The following ASXL1 variants were observed in gnomAD, a reference collection of about 807,000 sequenced individuals.
ASXL1 encodes ASXL transcriptional regulator 1.
A neutral mutation model predicts 89.1 loss-of-function variants in ASXL1; 65 were observed. That is an observed-to-expected ratio of 0.73 (90% confidence interval 0.60 to 0.90). ASXL1 has a LOEUF of 0.90. Among genes scored for constraint, ASXL1 ranks in the 40% least tolerant of loss-of-function variants. The pLI, the probability that ASXL1 is intolerant of heterozygous loss-of-function variation, is 0.00. For missense variants in ASXL1, 1,786 were observed against 1,942.9 expected (o/e 0.92, Z 1.52); for synonymous variants, 739 against 746.9 (o/e 0.99, Z 0.17).
At chr20:32,401,644 C>T (rs886139292) in intron 4 of ASXL1, among the ~76,000 whole-genome samples, 1 of 151,382 alleles carries the variant, frequency 6.6e-6, no homozygotes, top group Admixed American at 6.6e-5. Context: ...CAATCTGCAC[C>T]TCACAGGTTC....
chr20:32,385,647 A>G (rs756893840), intron 4 of ASXL1, among the ~76,000 whole-genome samples: 29 of 151,076 alleles, frequency 1.9e-4, no homozygotes, highest in Non-Finnish European at 3.1e-4. Flanking sequence ...CTTCATTTCC[A>G]TTGCCACCAC....
chr20:32,418,231 G>A lies in ASXL1; in HGVS notation c.253-9897G>A, dbSNP rs146279182. On this transcript the variant is annotated intron_variant, in intron 4 of 12. Coordinates refer to ENST00000375687, the MANE Select transcript of ASXL1 (RefSeq NM_015338.6). Reference sequence around the variant, plus strand: ...ATAAATAAATAAATAAATTAGCCTGGAGTGGTGGTGCATGCCTCTAGTTCC... The same window carrying A: ...ATAAATAAATAAATAAATTAGCCTGAAGTGGTGGTGCATGCCTCTAGTTCC... Among the ~76,000 whole-genome samples, 1,403 of 151,948 alleles carry A rather than the reference G, an allele frequency of 9.2e-3. 60 individuals carry two copies. Among genetic ancestry groups the A allele is most frequent in the Admixed American group, 0.073 (1,113 of 15,232 alleles).
intron 4 of ASXL1, among the ~76,000 whole-genome samples, chr20:32,411,003 G>A (rs2049031980): frequency 8.0e-6 from 1 of 124,288 alleles, no homozygotes; most frequent in African/African-American, 3.1e-5. Flanking sequence ...CTGCACTCCA[G>A]CCTGGGCAAC....
At position 32,381,513 on chromosome 20, in the gene ASXL1, CTTTTTTTTTTT is replaced by C. The variant is rs59213941; in HGVS notation, c.252+12399_252+12409del. 3.8e-5 allele frequency among the ~76,000 whole-genome samples: 5 copies of C among 131,410 alleles called. No individual in the cohort carries two copies. The East Asian group carries it at 1.1e-3, about 28-fold the overall frequency. The allele number at this position is 131,410 out of a possible 152,430, so 86.2% of individuals were successfully genotyped here. ...CACTGGTCCAGCCTCTTACCAAAATCTTTTTTTTTTTTTTTTTTTGAGACGGAGTCTCGCTG... is the reference window on the plus strand; with the variant it reads ...CACTGGTCCAGCCTCTTACCAAAATCTTTTTTTTGAGACGGAGTCTCGCTG... On this transcript the variant is annotated intron_variant, in intron 4 of 12. Coordinates refer to ENST00000375687, the MANE Select transcript of ASXL1 (RefSeq NM_015338.6).
Position 32,434,993 on chromosome 20 carries a change from G to C in ASXL1, c.2281G>C (p.Ala761Pro). 1 of 1,614,152 alleles carries C rather than the reference G, an allele frequency of 6.2e-7. No individual in the cohort carries two copies. The highest frequency in any genetic ancestry group is 8.5e-7 in the Non-Finnish European group (1 of 1,180,034). ...TCCCACTGGGGACCAGCCATGCCAG[G>C]CCTTGCCCCTACTGTCCTCCCAAAC... ...VAPTGDQPCQALPLLSSQTSV... is the reference protein window; with the variant it reads ...VAPTGDQPCQPLPLLSSQTSV... Residue 761 changes from alanine to proline, a missense_variant, in exon 13 of 13, where the codon GCC becomes CCC. Around this residue, in one of 3 missense-constraint regions of ASXL1, gnomAD observed 1,418 missense variants for 1,427.8 expected, o/e 0.99. Transcript: ENST00000375687.
rs1475256668 is a variant in ASXL1 at position 32,358,343 on chromosome 20, A to G, written c.-433A>G. On this transcript the variant is annotated 5_prime_UTR_variant, in exon 1 of 13. Coordinates refer to ENST00000375687, the MANE Select transcript of ASXL1 (RefSeq NM_015338.6). ...CTCCTCACTCTTCACACACACTCAC[A>G]CACACCCACGGCAGACACGCACGCA... is the stretch of plus-strand genomic sequence containing the variant. 8 of 230,986 alleles carry G rather than the reference A, an allele frequency of 3.5e-5. No individual in the cohort carries two copies. Among genetic ancestry groups the G allele is most frequent in the Admixed American group, 1.1e-4 (2 of 17,466 alleles). 14.3% of individuals were successfully genotyped at this position (230,986 alleles called of 1,614,324 possible).
At position 32,437,355 on chromosome 20, in the gene ASXL1, G is replaced by A. The variant is rs1277390753; in HGVS notation, c.*17G>A. The A allele has an allele frequency of 2.5e-6, 4 of 1,611,036 alleles. No homozygotes were observed. The highest frequency in any genetic ancestry group is 2.2e-5 in the South Asian group (2 of 90,952). ...GTGAGATAATAAATTATGGCCATGG[G>A]AAACATTGTATATTTAGTGTGTGTA... is the stretch of plus-strand genomic sequence containing the variant. On this transcript the variant is annotated 3_prime_UTR_variant, in exon 13 of 13. Transcript: ENST00000375687.
At chr20:32,393,713 G>A (rs904328482) in intron 4 of ASXL1, among the ~76,000 whole-genome samples, 12 of 152,000 alleles carry the variant, frequency 7.9e-5, no homozygotes, top group Admixed American at 3.3e-4. Context: ...TTTGTGATCC[G>A]CCCACCTCAG....
chr20:32,377,264 G>T (rs547538445), intron 4 of ASXL1, among the ~76,000 whole-genome samples: 26 of 148,624 alleles, frequency 1.7e-4, no homozygotes, highest in Non-Finnish European at 3.6e-4. Context: ...GGGATTACAG[G>T]CGTGAGCCAC....
chr20:32,397,085 C>T (rs2048776806), intron 4 of ASXL1, among the ~76,000 whole-genome samples: 1 of 144,828 alleles, frequency 6.9e-6, no homozygotes, highest in Admixed American at 7.0e-5. Flanking sequence ...TGCTCTGTTG[C>T]TCAGGCTGGA....
chr20:32,429,801 G>A lies in ASXL1; in HGVS notation c.566-100G>A. On this transcript the variant is annotated intron_variant, in intron 7 of 12. Transcript: ENST00000375687. The surrounding 1 kb of genome is among the most constrained non-coding windows in gnomAD (Gnocchi z 4.9). ...TGGGAGATGGAAGCATCCCAGTATT[G>A]CTGGCAGCATCTCAGGGAGAGCTGG... 1 of 1,478,708 alleles carries A rather than the reference G, an allele frequency of 6.8e-7. No individual in the cohort carries two copies. The highest frequency in any genetic ancestry group is 9.2e-7 in the Non-Finnish European group (1 of 1,090,482). 91.6% of individuals were successfully genotyped at this position (1,478,708 alleles called of 1,614,324 possible).
chr20:32,410,901 C>T (rs1040829869), intron 4 of ASXL1, among the ~76,000 whole-genome samples: 2 of 151,828 alleles, frequency 1.3e-5, no homozygotes, highest in Admixed American at 6.6e-5. Context: ...CATGATGGCG[C>T]ATGCCTGTAA....
At chr20:32,414,298 A>G (rs1600548139) in intron 4 of ASXL1, among the ~76,000 whole-genome samples, 1 of 145,086 alleles carries the variant, frequency 6.9e-6, no homozygotes, top group Non-Finnish European at 1.5e-5. Context: ...CTCTTAATGG[A>G]GCTTCTTTTT....
chr20:32,368,552 G>T (rs1404410663), intron 3 of ASXL1, among the ~76,000 whole-genome samples: 1 of 152,076 alleles, frequency 6.6e-6, no homozygotes, highest in Non-Finnish European at 1.5e-5. Flanking sequence ...AAAAAGTTCT[G>T]CTTGTTTTAT....
At chr20:32,430,948 A>G (rs1294841333) in intron 8 of ASXL1, 2 of 460,378 alleles carry the variant, frequency 4.3e-6, no homozygotes, top group Non-Finnish European at 8.1e-6. Context: ...TAGTATACTA[A>G]CTAGATTTAC....
rs750262296 is a variant in ASXL1 at position 32,429,940 on chromosome 20, C to T, written c.605C>T (p.Pro202Leu). ...CACGCCGATGGCGAGAGCGGCAGCC[C>T]GTCCAGCAGCAGCAGCGGCTCTCTG... Reference protein sequence around the residue: ...GCHADGESGSPSSSSSGSLAL... With the variant: ...GCHADGESGSLSSSSSGSLAL... Residue 202 changes from proline to leucine, a missense_variant, in exon 8 of 13, where the codon CCG (proline) becomes CTG (leucine). By Grantham distance (98) the Pro-to-Leu change is moderately conservative. Coordinates refer to ENST00000375687, the MANE Select transcript of ASXL1 (RefSeq NM_015338.6). This position sits in a 1 kb window ranked among gnomAD's most constrained non-coding sequence, Gnocchi z 4.9. The T allele has an allele frequency of 2.3e-5, 37 of 1,608,426 alleles. No homozygotes were observed. The African/African-American group carries it at 3.7e-4, about 16-fold the overall frequency.
intron 4 of ASXL1, among the ~76,000 whole-genome samples, chr20:32,406,946 C>T (rs942901996): frequency 1.3e-5 from 2 of 152,138 alleles, no homozygotes; most frequent in African/African-American, 4.8e-5. Context: ...GCCTACCTTG[C>T]TGTGTACCAT....
rs370230857 is a variant in ASXL1 at position 32,434,619 on chromosome 20, C to T, written c.1907C>T (p.Ala636Val). The T allele has an allele frequency of 1.0e-4, 167 of 1,609,666 alleles. No individual in the cohort carries two copies. The highest frequency in any genetic ancestry group is 1.6e-4 in the Middle Eastern group (1 of 6,074). Reference sequence around the variant, plus strand: ...AGAGGTCACCACTGCCATAGAGAGGCGGCCACCACTGCCATCGGAGGGGGG... The same window carrying T: ...AGAGGTCACCACTGCCATAGAGAGGTGGCCACCACTGCCATCGGAGGGGGG... The part of the protein sequence containing the change: ...GARGHHCHRE[A>V]ATTAIGGGGG... The change falls in exon 13 of 13, where the codon GCG becomes GTG. Residue 636 changes from alanine to valine, a missense_variant. Ala to Val is a moderately conservative substitution (Grantham distance 64). Around this residue, in one of 3 missense-constraint regions of ASXL1, gnomAD observed 1,418 missense variants for 1,427.8 expected, o/e 0.99. Transcript: ENST00000375687.
In ASXL1 at chr20:32,358,722, G is replaced by A. The variant is rs2048054677; in HGVS notation, c.-54G>A. On this transcript the variant is annotated 5_prime_UTR_variant, in exon 1 of 13. Coordinates refer to ENST00000375687, the MANE Select transcript of ASXL1 (RefSeq NM_015338.6). ...GCCCCAGCCCCGCGCCACCGCCCCA[G>A]CCCGCCCAGCCCGGAGGTCCCGCGT... 3 of 669,892 alleles carry A rather than the reference G, an allele frequency of 4.5e-6. No homozygotes were observed. The highest frequency in any genetic ancestry group is 6.9e-6 in the Non-Finnish European group (3 of 437,438). The allele number at this position is 669,892 out of a possible 1,614,324, so 41.5% of individuals were successfully genotyped here. A position where few individuals can be genotyped will look rare whatever the true frequency, so the allele number is the denominator to read the frequency against.
Sources: allele counts gnomAD v4.1 joint callset (sites outside exome capture counted in the v4.1 genomes callset), GRCh38; gene constraint gnomAD v4.1.1; regional missense constraint gnomAD v4.1.1; non-coding constraint Gnocchi (gnomAD v3.1); transcripts MANE v1.5; gene names NCBI Gene and HGNC (gene_info 2026-07-23, HGNC 2026-07-21).